LDLRAD3: variants seen among roughly 807,000 people sequenced by gnomAD.
LDLRAD3 encodes the protein low density lipoprotein receptor class A domain containing 3, also known as low-density lipoprotein receptor class A domain-containing protein 3.
LDLRAD3 carries 20 observed loss-of-function variants against 29.4 expected under a neutral mutation model. The ratio of observed to expected loss-of-function variants is 0.68; its 90% CI spans 0.48 to 0.99. LDLRAD3 has a LOEUF of 0.99. Among genes scored for constraint, LDLRAD3 ranks in the 50% least tolerant of loss-of-function variants. LDLRAD3 has a pLI of 0.00. For missense variants in LDLRAD3, 420 were observed against 454.3 expected (o/e 0.92, Z 0.69); for synonymous variants, 157 against 192.7 (o/e 0.81, Z 1.53).
intron 4 of LDLRAD3, among the ~76,000 whole-genome samples, chr11:36,101,614 A>G (rs1336773110): frequency 1.3e-5 from 2 of 152,154 alleles, no homozygotes; most frequent in African/African-American, 2.4e-5. Context: ...GCTGTCTGCA[A>G]TTCTGCAGCC....
At chr11:35,997,977 T>C (rs1000578768) in intron 1 of LDLRAD3, among the ~76,000 whole-genome samples, 11 of 152,186 alleles carry the variant, frequency 7.2e-5, no homozygotes, top group African/African-American at 2.7e-4. Flanking sequence ...GGGCCTTTGC[T>C]GCCTTTTCAG....
chr11:36,039,130 C>T (rs900693591), intron 2 of LDLRAD3, among the ~76,000 whole-genome samples: 7 of 152,188 alleles, frequency 4.6e-5, no homozygotes, highest in South Asian at 2.1e-4. Flanking sequence ...CCACTACGCC[C>T]GGCTACTTTT....
intron 4 of LDLRAD3, among the ~76,000 whole-genome samples, chr11:36,161,291 A>G (rs1365814020): frequency 3.3e-5 from 5 of 152,190 alleles, no homozygotes; most frequent in Admixed American, 2.0e-4. Context: ...CAGGAATCCT[A>G]TGGCATCTAT....
chr11:36,119,784 C>T (rs1172846720), intron 4 of LDLRAD3, among the ~76,000 whole-genome samples: 2 of 152,158 alleles, frequency 1.3e-5, no homozygotes, highest in Admixed American at 6.5e-5. Context: ...TCTGAGTTGT[C>T]GTTTCACATT....
intron 4 of LDLRAD3, among the ~76,000 whole-genome samples, chr11:36,128,952 A>C (rs1347986050): frequency 6.6e-6 from 1 of 152,008 alleles, no homozygotes; most frequent in East Asian, 1.9e-4. Flanking sequence ...CTGGGATGCT[A>C]CCTTTGTAGT....
At chr11:36,077,442 T>C (rs1853032188) in intron 2 of LDLRAD3, among the ~76,000 whole-genome samples, 1 of 152,214 alleles carries the variant, frequency 6.6e-6, no homozygotes, top group African/African-American at 2.4e-5. Flanking sequence ...CTACTTGACC[T>C]GGCAGGCTGC....
intron 4 of LDLRAD3, among the ~76,000 whole-genome samples, chr11:36,225,206 T>A (rs1855482777): frequency 1.3e-5 from 2 of 152,214 alleles, no homozygotes; most frequent in African/African-American, 4.8e-5. Context: ...GTGGACCCAC[T>A]GAAACCTCCT....
intron 2 of LDLRAD3, among the ~76,000 whole-genome samples, chr11:36,054,840 A>AATGGATGGATGGATGGATGGATGG (rs201580069): frequency 2.0e-4 from 27 of 133,704 alleles, no homozygotes; most frequent in African/African-American, 7.5e-4. Context: ...TGGATGGATG[A>AATGGATGGATGGATGGATGGATGG]ATGGATGGAT....
At chr11:35,999,328 T>A (rs1342265404) in intron 1 of LDLRAD3, among the ~76,000 whole-genome samples, 1 of 152,054 alleles carries the variant, frequency 6.6e-6, no homozygotes, top group Non-Finnish European at 1.5e-5. Flanking sequence ...TGGACTGGAG[T>A]AGCCTCATGG....
intron 1 of LDLRAD3, among the ~76,000 whole-genome samples, chr11:35,962,182 G>A (rs1184262365): frequency 6.6e-6 from 1 of 151,952 alleles, no homozygotes; most frequent in Non-Finnish European, 1.5e-5. Flanking sequence ...CATTTAAATA[G>A]CCTTTTTCCT....
intron 4 of LDLRAD3, among the ~76,000 whole-genome samples, chr11:36,177,083 C>G (rs1036135547): frequency 6.6e-6 from 1 of 151,710 alleles, no homozygotes; most frequent in African/African-American, 2.4e-5. Flanking sequence ...GAAGTTCTTT[C>G]CTCTACTTGT....
At chr11:36,048,435 C>T (rs750904468) in intron 2 of LDLRAD3, among the ~76,000 whole-genome samples, 8 of 152,104 alleles carry the variant, frequency 5.3e-5, no homozygotes, top group Non-Finnish European at 8.8e-5. Context: ...ACCTGGGGTC[C>T]CGGTGCTCCC....
chr11:36,214,975 T>C (rs776421236), intron 4 of LDLRAD3, among the ~76,000 whole-genome samples: 18 of 152,100 alleles, frequency 1.2e-4, no homozygotes, highest in Non-Finnish European at 2.5e-4. Flanking sequence ...AGAGAGACAA[T>C]TAAATACAAA....
At chr11:35,991,072 AC>A (rs1324776088) in intron 1 of LDLRAD3, among the ~76,000 whole-genome samples, 2 of 152,096 alleles carry the variant, frequency 1.3e-5, no homozygotes, top group African/African-American at 2.4e-5. Context: ...GTCTTTTCAG[AC>A]CTTGGAGGCT....
intron 4 of LDLRAD3, among the ~76,000 whole-genome samples, chr11:36,152,145 A>G (rs561079224): frequency 2.6e-5 from 4 of 152,268 alleles, no homozygotes; most frequent in African/African-American, 9.6e-5. Context: ...CTTTCCCTCC[A>G]ACACACACTT....
chr11:36,082,458 A>G (rs186076599), intron 3 of LDLRAD3, among the ~76,000 whole-genome samples: 16 of 152,344 alleles, frequency 1.1e-4, no homozygotes, highest in Admixed American at 9.1e-4. Flanking sequence ...CAGTGAGCTG[A>G]GATGGCACCA....
At chr11:36,102,996 A>G (rs930488635) in intron 4 of LDLRAD3, among the ~76,000 whole-genome samples, 1 of 152,158 alleles carries the variant, frequency 6.6e-6, no homozygotes. Flanking sequence ...TGTCTACTGT[A>G]AAATTTATCA....
At chr11:36,182,923 A>G (rs912924818) in intron 4 of LDLRAD3, among the ~76,000 whole-genome samples, 8 of 152,204 alleles carry the variant, frequency 5.3e-5, no homozygotes, top group African/African-American at 1.9e-4. Flanking sequence ...TTAAGCATTA[A>G]ACCAAGGAGC....
At chr11:35,963,017 G>A (rs1334740052) in intron 1 of LDLRAD3, among the ~76,000 whole-genome samples, 1 of 152,212 alleles carries the variant, frequency 6.6e-6, no homozygotes, top group Admixed American at 6.5e-5. Context: ...AGATGTTAAT[G>A]GGAGAACAAA....
Sources: gnomAD v4.1 joint callset for allele counts (sites outside exome capture counted in the v4.1 genomes callset) on GRCh38, gnomAD v4.1.1 for gene constraint, MANE v1.5 for transcripts, NCBI Gene and HGNC (gene_info 2026-07-23, HGNC 2026-07-21) for gene names.